DIAPH2: variants seen among roughly 807,000 people sequenced by gnomAD.
DIAPH2 encodes diaphanous related formin 2.
In DIAPH2, 35 loss-of-function variants were observed where a neutral mutation model predicts 92.7. The observed-to-expected ratio is 0.38, with a 90% CI of 0.29 to 0.50. DIAPH2 has a LOEUF of 0.50. DIAPH2 is among the 20% of genes least tolerant of loss of function. DIAPH2 has a pLI of 0.94. For synonymous variants in DIAPH2, 301 were observed against 280.4 expected, an observed-to-expected ratio of 1.07 and a Z score of -0.73; for missense variants, 701 against 819.5, an observed-to-expected ratio of 0.86 and a Z score of 1.77.
chrX:96,876,271 A>C (rs2065178065), intron 4 of DIAPH2, among the ~76,000 whole-genome samples: 1 of 111,602 alleles, frequency 9.0e-6, no homozygotes, highest in African/African-American at 3.3e-5. Flanking sequence ...CAGGTGCTGG[A>C]GAGGATGTGG....
At chrX:97,079,174 C>T (rs2066724796) in intron 19 of DIAPH2, among the ~76,000 whole-genome samples, 1 of 111,104 alleles carries the variant, frequency 9.0e-6, no homozygotes, top group African/African-American at 3.3e-5. Flanking sequence ...ATTTTACTTA[C>T]TCTGACTCAT....
At chrX:97,002,014 A>T (rs1484723478) in intron 17 of DIAPH2, among the ~76,000 whole-genome samples, 4 of 109,129 alleles carry the variant, frequency 3.7e-5, no homozygotes, top group African/African-American at 1.3e-4. Context: ...TTTTCTGTTT[A>T]AAAAAAAAGG....
chrX:97,551,610 A>T lies in DIAPH2; in HGVS notation c.3242-47643A>T, dbSNP rs757698200. Among the ~76,000 whole-genome samples the T allele has an allele frequency of 2.8e-3, 313 of 110,030 alleles. 1 individual carries two copies. Among genetic ancestry groups the T allele is most frequent in the African/African-American group, 1.0e-2 (303 of 30,316 alleles). ...CTCCGTTTTTTAAAAAAAAAAAAAA[A>T]TTAAAATTAAATTTAAAAATTAAAA... is the stretch of plus-strand genomic sequence containing the variant. On this transcript the variant is annotated intron_variant, in intron 26 of 26. Coordinates refer to ENST00000324765, the MANE Select transcript of DIAPH2 (RefSeq NM_006729.5).
Position 97,127,635 on chromosome X carries a change from G to A in DIAPH2, c.2589+12670G>A, listed in dbSNP as rs763299736. ...TTTGTTAGAAGTAAAATGTATTCAT[G>A]GCCAAGAGAGACTTGAACCTAACCT... On this transcript the variant is annotated intron_variant, in intron 21 of 26. Coordinates refer to ENST00000324765, the MANE Select transcript of DIAPH2 (RefSeq NM_006729.5). 5.3e-5 allele frequency among the ~76,000 whole-genome samples: 6 copies of A among 112,493 alleles called. No individual in the cohort carries two copies. In the East Asian group the frequency reaches 1.4e-3, roughly 26 times the overall value.
rs1332024432 is a variant in DIAPH2, at chrX:96,751,647, G to GTTTTTTTTTTTTTTTTTTT, written c.343-6503_343-6502insTTTTTTTTTTTTTTTTTTT. Among the ~76,000 whole-genome samples the GTTTTTTTTTTTTTTTTTTT allele has an allele frequency of 1.6e-4, 14 of 85,014 alleles. 1 individual carries two copies. Among genetic ancestry groups the GTTTTTTTTTTTTTTTTTTT allele is most frequent in the East Asian group, 8.9e-4 (2 of 2,239 alleles). The allele number at this position is 85,014 out of a possible 115,157, so 73.8% of individuals were successfully genotyped here. The stretch of plus-strand genomic sequence containing the variant: ...TATAAATGGTCAACTAGACTTCAGT[G>GTTTTTTTTTTTTTTTTTTT]TTTTGTTTTTTTTTTTTTTTTTTTG... On this transcript the variant is annotated intron_variant, in intron 3 of 26. Transcript: ENST00000324765.
intron 23 of DIAPH2, among the ~76,000 whole-genome samples, chrX:97,326,075 G>C (rs977030815): frequency 8.9e-6 from 1 of 112,170 alleles, no homozygotes; most frequent in Non-Finnish European, 1.9e-5. Flanking sequence ...AAGTCTTTGT[G>C]AATTTAAATA....
intron 26 of DIAPH2, among the ~76,000 whole-genome samples, chrX:97,471,456 C>T (rs903117862): frequency 9.0e-5 from 10 of 110,577 alleles, no homozygotes; most frequent in Admixed American, 8.7e-4. Flanking sequence ...TTTGAGAGGC[C>T]AAGGCGGGCG....
intron 26 of DIAPH2, among the ~76,000 whole-genome samples, chrX:97,444,500 T>C (rs1312630608): frequency 8.9e-6 from 1 of 111,819 alleles, no homozygotes; most frequent in Non-Finnish European, 1.9e-5. Context: ...TTATAGTTAT[T>C]AATCAAAAGT....
At position 97,297,112 on chromosome X, in the gene DIAPH2, A is replaced by G. The variant is rs1292151451; in HGVS notation, c.2844+49273A>G. Among the ~76,000 whole-genome samples, 7 of 81,592 alleles carry G rather than the reference A, an allele frequency of 8.6e-5. No individual in the cohort carries two copies. The Admixed American group carries it at 8.9e-4, about 10-fold the overall frequency. The allele number at this position is 81,592 out of a possible 115,157, so 70.9% of individuals were successfully genotyped here. A position where few individuals can be genotyped will look rare whatever the true frequency, so the allele number is the denominator to read the frequency against. Reference sequence around the variant, plus strand: ...TTTTTTTTTTTTTTTTTTTTTTTTTAAACAAAACTAACTGGCTCTTACAAG... The same window carrying G: ...TTTTTTTTTTTTTTTTTTTTTTTTTGAACAAAACTAACTGGCTCTTACAAG... On this transcript the variant is annotated intron_variant, in intron 23 of 26. Transcript: ENST00000324765.
chrX:97,064,369 C>T (rs910746099), intron 17 of DIAPH2, among the ~76,000 whole-genome samples: 19 of 110,696 alleles, frequency 1.7e-4, no homozygotes, highest in Non-Finnish European at 3.2e-4. Flanking sequence ...GCATATAGCT[C>T]CACTCTACAC....
At chrX:96,710,904 T>A (rs1403399569) in intron 1 of DIAPH2, among the ~76,000 whole-genome samples, 1 of 111,523 alleles carries the variant, frequency 9.0e-6, no homozygotes, top group African/African-American at 3.3e-5. Flanking sequence ...TCCTCATAGC[T>A]TAGCACCCAC....
chrX:97,126,816 A>G (rs1195927579), intron 21 of DIAPH2, among the ~76,000 whole-genome samples: 1 of 112,628 alleles, frequency 8.9e-6, no homozygotes, highest in Non-Finnish European at 1.9e-5. Context: ...CCCATTTCCA[A>G]GATGTACTTT....
At chrX:97,107,230 A>G (rs779211253) in intron 20 of DIAPH2, among the ~76,000 whole-genome samples, 1 of 110,503 alleles carries the variant, frequency 9.0e-6, no homozygotes, top group East Asian at 2.9e-4. Context: ...GGCCTCCCAA[A>G]GTGCTGGGAT....
At chrX:96,706,668 A>G (rs1272376948) in intron 1 of DIAPH2, among the ~76,000 whole-genome samples, 1 of 111,696 alleles carries the variant, frequency 9.0e-6, no homozygotes, top group Admixed American at 9.5e-5. Context: ...ATAGCTTGCT[A>G]TGGAGCAGAG....
At chrX:96,914,520 C>T (rs1478384087) in intron 7 of DIAPH2, among the ~76,000 whole-genome samples, 1 of 110,783 alleles carries the variant, frequency 9.0e-6, no homozygotes, top group African/African-American at 3.3e-5. Context: ...AGTATCAGTC[C>T]CCTCATCTGT....
intron 17 of DIAPH2, among the ~76,000 whole-genome samples, chrX:96,992,025 G>T (rs953299269): frequency 9.1e-6 from 1 of 110,106 alleles, no homozygotes; most frequent in Non-Finnish European, 1.9e-5. Context: ...CTTTCCCCTG[G>T]AATATATTAT....
chrX:97,265,691 C>T (rs1215084415), intron 23 of DIAPH2, among the ~76,000 whole-genome samples: 1 of 111,491 alleles, frequency 9.0e-6, no homozygotes, highest in Non-Finnish European at 1.9e-5. Context: ...AAAAGAAGGC[C>T]AATATGGCTG....
At chrX:97,405,644 C>T (rs1282320022) in intron 25 of DIAPH2, among the ~76,000 whole-genome samples, 2 of 111,690 alleles carry the variant, frequency 1.8e-5, no homozygotes, top group Non-Finnish European at 3.8e-5. Context: ...TTCCACTTTT[C>T]GTTCCCTACC....
intron 4 of DIAPH2, among the ~76,000 whole-genome samples, chrX:96,858,052 T>C (rs1257392218): frequency 8.9e-6 from 1 of 112,539 alleles, no homozygotes; most frequent in Non-Finnish European, 1.9e-5. Flanking sequence ...GAGTAAAGTA[T>C]ATGTGTGTGA....
Sources: gnomAD v4.1 joint callset for allele counts (sites outside exome capture counted in the v4.1 genomes callset) on GRCh38, gnomAD v4.1.1 for gene constraint, MANE v1.5 for transcripts, NCBI Gene and HGNC (gene_info 2026-07-23, HGNC 2026-07-21) for gene names.